Variants in KCND2 observed in about 807,000 individuals in gnomAD.
KCND2 encodes A-type voltage-gated potassium channel KCND2.
A neutral mutation model predicts 54.4 loss-of-function variants in KCND2; 16 were observed. That is an observed-to-expected ratio of 0.29 (90% CI 0.20 to 0.45). The LOEUF is 0.45. Ranked by LOEUF, KCND2 falls within the 20% of genes least tolerant of loss-of-function variation. KCND2 has a pLI of 1.00. For missense variants in KCND2, 486 were observed against 824.2 expected (o/e 0.59, Z 5.02); for synonymous variants, 317 against 310.7 (o/e 1.02, Z -0.21).
rs534205854 is a variant in KCND2, at chr7:120,598,361, T to C, written c.1116-134542T>C. Among the ~76,000 whole-genome samples, 3 of 152,316 alleles carry C rather than the reference T, an allele frequency of 2.0e-5. No individual in the cohort carries two copies. The East Asian group carries it at 5.8e-4, about 29-fold the overall frequency. On this transcript the variant is annotated intron_variant, in intron 1 of 5. Transcript: ENST00000331113. ...GCAACTCTATATTTGTATTGTTAGA[T>C]TATCATTTTATATAGGGAAGAAACA...
chr7:120,454,946 G>A (rs995539408), intron 1 of KCND2, among the ~76,000 whole-genome samples: 1 of 152,172 alleles, frequency 6.6e-6, no homozygotes, highest in Middle Eastern at 3.4e-3. Context: ...GCCGCAAAAG[G>A]AGTAAAATTC....
At chr7:120,441,757 C>T (rs1801948253) in intron 1 of KCND2, among the ~76,000 whole-genome samples, 1 of 152,012 alleles carries the variant, frequency 6.6e-6, no homozygotes, top group Non-Finnish European at 1.5e-5. Flanking sequence ...GGAAATATGA[C>T]TGTGCTTTAG....
intron 1 of KCND2, among the ~76,000 whole-genome samples, chr7:120,384,986 AT>A (rs1800967029): frequency 8.8e-6 from 1 of 113,934 alleles, no homozygotes; most frequent in Admixed American, 9.2e-5. Context: ...AAACAAAGGC[AT>A]TTGTATATAA....
intron 1 of KCND2, among the ~76,000 whole-genome samples, chr7:120,684,974 T>C (rs139787583): frequency 8.4e-4 from 128 of 152,190 alleles, no homozygotes; most frequent in African/African-American, 2.9e-3. Context: ...TTATGATGAG[T>C]TGTATAATTA....
At chr7:120,397,604 T>C (rs1193082958) in intron 1 of KCND2, among the ~76,000 whole-genome samples, 1 of 152,008 alleles carries the variant, frequency 6.6e-6, no homozygotes, top group Non-Finnish European at 1.5e-5. Context: ...TCATAATTTT[T>C]GTTGCTCTGT....
At chr7:120,401,106 A>G (rs541214518) in intron 1 of KCND2, among the ~76,000 whole-genome samples, 15 of 152,246 alleles carry the variant, frequency 9.9e-5, no homozygotes, top group South Asian at 6.2e-4. Flanking sequence ...AGGACAGCCT[A>G]TGGATCCAGT....
At chr7:120,357,422 G>T (rs924959787) in intron 1 of KCND2, among the ~76,000 whole-genome samples, 5 of 151,968 alleles carry the variant, frequency 3.3e-5, no homozygotes, top group South Asian at 4.1e-4. Flanking sequence ...CCCATCAGTA[G>T]TTTAAATCTT....
chr7:120,662,782 G>A (rs1791882410), intron 1 of KCND2, among the ~76,000 whole-genome samples: 1 of 152,208 alleles, frequency 6.6e-6, no homozygotes, highest in Non-Finnish European at 1.5e-5. Flanking sequence ...GCTGGAAAGT[G>A]AGGATGGAGT....
At chr7:120,480,268 G>A (rs10953918) in intron 1 of KCND2, among the ~76,000 whole-genome samples, 42,357 of 151,892 alleles carry the variant, frequency 0.28, 8,638 homozygotes, top group African/African-American at 0.56. Flanking sequence ...TAACGGAGAA[G>A]TAGAATACTC....
intron 1 of KCND2, among the ~76,000 whole-genome samples, chr7:120,486,368 G>A (rs773320811): frequency 8.5e-5 from 13 of 152,056 alleles, no homozygotes; most frequent in African/African-American, 1.7e-4. Flanking sequence ...CCAAGAGGAC[G>A]TAAGGTGATT....
intron 3 of KCND2, 29 bp downstream of exon 3, chr7:120,741,658 T>TTTTTTTAATTTTTTA: frequency 6.8e-7 from 1 of 1,470,870 alleles, no homozygotes; most frequent in Non-Finnish European, 9.5e-7. Context: ...CTTTTTTTAA[T>TTTTTTTAATTTTTTA]GTTCAATTTC....
At chr7:120,583,287 A>G (rs191419284) in intron 1 of KCND2, among the ~76,000 whole-genome samples, 13 of 152,016 alleles carry the variant, frequency 8.6e-5, no homozygotes, top group Admixed American at 6.6e-4. Context: ...CTTGATGACT[A>G]TTTTCATTTC....
chr7:120,705,406 C>T (rs1792455395), intron 1 of KCND2, among the ~76,000 whole-genome samples: 1 of 152,132 alleles, frequency 6.6e-6, no homozygotes, highest in African/African-American at 2.4e-5. Flanking sequence ...AAGGAAAGAA[C>T]ACACACAGTT....
chr7:120,499,628 A>G (rs960543080), intron 1 of KCND2, among the ~76,000 whole-genome samples: 2 of 152,076 alleles, frequency 1.3e-5, no homozygotes, highest in African/African-American at 4.8e-5. Context: ...GTCTACTCCA[A>G]TTCCCTTTGC....
chr7:120,406,571 G>A (rs560954161), intron 1 of KCND2, among the ~76,000 whole-genome samples: 1 of 152,120 alleles, frequency 6.6e-6, no homozygotes, highest in South Asian at 2.1e-4. Context: ...ATAGAAATAT[G>A]TAACACAGCA....
chr7:120,532,894 T>C (rs553534063), intron 1 of KCND2, among the ~76,000 whole-genome samples: 17 of 152,048 alleles, frequency 1.1e-4, no homozygotes, highest in Non-Finnish European at 2.2e-4. Flanking sequence ...GTAGTCATAA[T>C]GTCTTATTAT....
chr7:120,696,137 G>A (rs1169363741), intron 1 of KCND2, among the ~76,000 whole-genome samples: 3 of 152,104 alleles, frequency 2.0e-5, no homozygotes, highest in Non-Finnish European at 4.4e-5. Flanking sequence ...TTTATTTTCA[G>A]AAAAAGCTGG....
At chr7:120,547,629 A>G (rs1034266176) in intron 1 of KCND2, among the ~76,000 whole-genome samples, 3 of 152,024 alleles carry the variant, frequency 2.0e-5, no homozygotes, top group Non-Finnish European at 4.4e-5. Context: ...GAGGATGTGA[A>G]TAAATTATTT....
chr7:120,377,910 T>C (rs896406523), intron 1 of KCND2, among the ~76,000 whole-genome samples: 21 of 152,014 alleles, frequency 1.4e-4, no homozygotes, highest in Admixed American at 7.9e-4. Flanking sequence ...ATATGTCCCT[T>C]TTTGTATGCT....
Sources: allele counts gnomAD v4.1 joint callset (sites outside exome capture counted in the v4.1 genomes callset), GRCh38; gene constraint gnomAD v4.1.1; transcripts MANE v1.5; gene names NCBI Gene and HGNC (gene_info 2026-07-23, HGNC 2026-07-21).